ZNF559: variants seen among roughly 807,000 people sequenced by gnomAD.
ZNF559 encodes putative protein product of Nbla00121.
Under a neutral mutation model 14.2 loss-of-function variants are expected in ZNF559, and 17 were observed. The observed-to-expected ratio is 1.20, with a 90% CI of 0.82 to 1.80. ZNF559 has a LOEUF of 1.80. Among genes scored for constraint, ZNF559 ranks in the 40% most tolerant of loss-of-function variants. The pLI is 0.00. For synonymous variants in ZNF559, 244 were observed against 212.4 expected (o/e 1.15, Z -1.29); for missense variants, 740 against 629.7 (o/e 1.18, Z -1.88).
intron 2 of ZNF559, among the ~76,000 whole-genome samples, chr19:9,332,123 A>G (rs1004111582): frequency 3.3e-5 from 5 of 152,238 alleles, no homozygotes; most frequent in Admixed American, 2.6e-4. Context: ...GATGCCCTTT[A>G]TTAGGCTGAA....
chr19:9,336,894 C>T (rs149995389), intron 2 of ZNF559, among the ~76,000 whole-genome samples: 62 of 152,290 alleles, frequency 4.1e-4, no homozygotes, highest in Admixed American at 2.9e-3. Flanking sequence ...ACCACCCTCA[C>T]GCTCAGTGAT....
At position 9,337,815 on chromosome 19, in the gene ZNF559, C is replaced by T. The variant is rs141096942; in HGVS notation, c.-100C>T. ...CTGCAGAGAGATGGCTAATGAATGGCGCTTGATGACAGATGAGTAATGCCT... is the reference window on the plus strand; with the variant it reads ...CTGCAGAGAGATGGCTAATGAATGGTGCTTGATGACAGATGAGTAATGCCT... On this transcript the variant is annotated 5_prime_UTR_variant, in exon 3 of 7. Coordinates refer to ENST00000603380, the MANE Select transcript of ZNF559 (RefSeq NM_032497.3). 309 of 1,454,526 alleles carry T rather than the reference C, an allele frequency of 2.1e-4. No homozygotes were observed. In the African/African-American group the frequency reaches 3.7e-3, roughly 18 times the overall value. 90.1% of individuals were successfully genotyped at this position (1,454,526 alleles called of 1,614,324 possible).
chr19:9,328,348 CTTTTTT>C (rs904074002), intron 2 of ZNF559, among the ~76,000 whole-genome samples: 1 of 61,014 alleles, frequency 1.6e-5, no homozygotes, highest in African/African-American at 7.1e-5. Context: ...GCTTGTTTGT[CTTTTTT>C]TTTTTTTTTT....
chr19:9,343,172 T>C lies in ZNF559; in HGVS notation c.*104T>C. ...GCAATGTACACAGTCATAAGGAATG[T>C]GGGAAGCCTTCCTTGGTGTCTCAGA... On this transcript the variant is annotated 3_prime_UTR_variant, in exon 7 of 7. Coordinates refer to ENST00000603380, the MANE Select transcript of ZNF559 (RefSeq NM_032497.3). The C allele has an allele frequency of 6.7e-7, 1 of 1,503,494 alleles. No homozygotes were observed. Among genetic ancestry groups the C allele is most frequent in the Non-Finnish European group, 8.8e-7 (1 of 1,135,220 alleles). The allele number at this position is 1,503,494 out of a possible 1,614,324, so 93.1% of individuals were successfully genotyped here.
Position 9,344,925 on chromosome 19 carries a change from A to G in ZNF559, c.*1857A>G, listed in dbSNP as rs1421640350. On this transcript the variant is annotated 3_prime_UTR_variant, in exon 7 of 7. Coordinates refer to ENST00000603380, the MANE Select transcript of ZNF559 (RefSeq NM_032497.3). ...ACTTTAAGTTTGGACACATACACAT[A>G]TGTGTACATACACACCATCAAGATA... 1.3e-5 allele frequency: 2 copies of G among 152,216 alleles called. No homozygotes were observed. Among genetic ancestry groups the G allele is most frequent in the East Asian group, 1.9e-4 (1 of 5,194 alleles). The allele number at this position is 152,216 out of a possible 1,614,324, so 9.4% of individuals were successfully genotyped here.
At position 9,345,389 on chromosome 19, in the gene ZNF559, T is replaced by C. The variant is rs2067706163; in HGVS notation, c.*2321T>C. The C allele has an allele frequency of 6.6e-6, 1 of 152,230 alleles. No individual in the cohort carries two copies. Among genetic ancestry groups the C allele is most frequent in the Non-Finnish European group, 1.5e-5 (1 of 68,032 alleles). 9.4% of individuals were successfully genotyped at this position (152,230 alleles called of 1,614,324 possible). ...AAGAGACTGCTAAACCTTTCTCAAG[T>C]AGTTATGCCATTTGACATTTCCATG... is the stretch of plus-strand genomic sequence containing the variant. On this transcript the variant is annotated 3_prime_UTR_variant, in exon 7 of 7. Coordinates refer to ENST00000603380, the MANE Select transcript of ZNF559 (RefSeq NM_032497.3).
In ZNF559 at chr19:9,342,543, C is replaced by G; in HGVS notation, c.1092C>G (p.Asn364Lys). ...AGGAATGTGGGAAAGCTTTTGCTAA[C>G]TCTTCACATCTTACTGTACATATGA... ...ECKECGKAFA[N>K]SSHLTVHMRT... The change falls in exon 7 of 7, where the codon AAC (asparagine) becomes AAG (lysine). Residue 364 changes from asparagine (N) to lysine (K), a missense_variant. Physicochemically the swap from Asn to Lys is moderately conservative, Grantham distance 94. Transcript: ENST00000603380. 2 of 1,613,544 alleles carry G rather than the reference C, an allele frequency of 1.2e-6. No individual in the cohort carries two copies. The highest frequency in any genetic ancestry group is 4.5e-5 in the East Asian group (2 of 44,786).
upstream of ZNF559, chr19:9,323,949 T>C: frequency 1.8e-6 from 1 of 571,056 alleles, no homozygotes; most frequent in Non-Finnish European, 3.1e-6. Context: ...ATTCTTTCTT[T>C]GCTTTGCTGG....
At position 9,344,238 on chromosome 19, in the gene ZNF559, CAA is replaced by C. The variant is rs1000179104; in HGVS notation, c.*1176_*1177del. ...CCTGGATGATATGGTAAGACCATCT[CAA>C]AAAAAGAAAAAAAAATTAAAATATC... On this transcript the variant is annotated 3_prime_UTR_variant, in exon 7 of 7. Transcript: ENST00000603380. The C allele has an allele frequency of 6.7e-6, 1 of 150,210 alleles. No homozygotes were observed. The highest frequency in any genetic ancestry group is 1.5e-5 in the Non-Finnish European group (1 of 67,616). The allele number at this position is 150,210 out of a possible 1,614,324, so 9.3% of individuals were successfully genotyped here. A position where few individuals can be genotyped will look rare whatever the true frequency, so the allele number is the denominator to read the frequency against.
chr19:9,325,583 G>C (rs935652307), intron 2 of ZNF559, among the ~76,000 whole-genome samples: 2 of 152,134 alleles, frequency 1.3e-5, no homozygotes, highest in African/African-American at 4.8e-5. Context: ...ACGAGGTCAG[G>C]AGTTTGAGAC....
At position 9,344,136 on chromosome 19, in the gene ZNF559, C is replaced by CAAAA. The variant is rs2067681148; in HGVS notation, c.*1068_*1069insAAAA. Reference sequence around the variant, plus strand: ...GTACGTGCCTGTAATCCCAGCTACTCGAGAGGTTGAGGCAGAATTGCTTGA... The same window carrying CAAAA: ...GTACGTGCCTGTAATCCCAGCTACTCAAAAGAGAGGTTGAGGCAGAATTGCTTGA... On this transcript the variant is annotated 3_prime_UTR_variant, in exon 7 of 7. Coordinates refer to ENST00000603380, the MANE Select transcript of ZNF559 (RefSeq NM_032497.3). 1 of 151,984 alleles carries CAAAA rather than the reference C, an allele frequency of 6.6e-6. No individual in the cohort carries two copies. Among genetic ancestry groups the CAAAA allele is most frequent in the African/African-American group, 2.4e-5 (1 of 41,330 alleles). The allele number at this position is 151,984 out of a possible 1,614,324, so 9.4% of individuals were successfully genotyped here.
At chr19:9,328,962 T>C (rs967098790) in intron 2 of ZNF559, among the ~76,000 whole-genome samples, 4 of 152,232 alleles carry the variant, frequency 2.6e-5, no homozygotes, top group African/African-American at 9.6e-5. Flanking sequence ...AGCAAATTTC[T>C]AATAACTGAT....
intron 2 of ZNF559, among the ~76,000 whole-genome samples, chr19:9,335,591 A>C (rs1449863598): frequency 2.6e-5 from 4 of 152,170 alleles, no homozygotes; most frequent in Non-Finnish European, 5.9e-5. Flanking sequence ...TCTATCGCCC[A>C]GACTGGCATG....
At chr19:9,337,983 TCA>T in intron 3 of ZNF559, 125 bp downstream of exon 3, 4 of 1,536,118 alleles carry the variant, frequency 2.6e-6, no homozygotes, top group Non-Finnish European at 3.5e-6. Flanking sequence ...ACTGTTAGAC[TCA>T]CAGGATGCTG....
At chr19:9,324,841 C>G (rs1218315758) in intron 2 of ZNF559, 61 bp downstream of exon 2, 4 of 1,429,822 alleles carry the variant, frequency 2.8e-6, no homozygotes, top group African/African-American at 2.8e-5. Flanking sequence ...TAAGTTGTGT[C>G]GAGGTGGAAA....
In ZNF559 at chr19:9,343,150, A is replaced by T; in HGVS notation, c.*82A>T. ...GAACATGTACTCATTCATAGTGGCAATGTACACAGTCATAAGGAATGTGGG... is the reference window on the plus strand; with the variant it reads ...GAACATGTACTCATTCATAGTGGCATTGTACACAGTCATAAGGAATGTGGG... On this transcript the variant is annotated 3_prime_UTR_variant, in exon 7 of 7. Coordinates refer to ENST00000603380, the MANE Select transcript of ZNF559 (RefSeq NM_032497.3). 4 of 1,533,078 alleles carry T rather than the reference A, an allele frequency of 2.6e-6. No homozygotes were observed. The highest frequency in any genetic ancestry group is 3.5e-6 in the Non-Finnish European group (4 of 1,147,862). The allele number at this position is 1,533,078 out of a possible 1,614,324, so 95.0% of individuals were successfully genotyped here.
At chr19:9,330,420 C>T (rs2066876060) in intron 2 of ZNF559, among the ~76,000 whole-genome samples, 1 of 152,182 alleles carries the variant, frequency 6.6e-6, no homozygotes, top group African/African-American at 2.4e-5. Flanking sequence ...ATTTCTCTCT[C>T]TGCTCCCTCT....
At position 9,339,274 on chromosome 19, in the gene ZNF559, T is replaced by C. The variant is rs374264912; in HGVS notation, c.115T>C (p.Tyr39His). 22 of 1,613,968 alleles carry C rather than the reference T, an allele frequency of 1.4e-5. No homozygotes were observed. In the African/African-American group the frequency reaches 1.6e-4, roughly 12 times the overall value. ...TLLDQTQRNL[Y>H]RDVMLENYKN... The stretch of plus-strand genomic sequence containing the variant: ...GCTGGATCAAACTCAGAGAAACTTA[T>C]ACAGAGATGTGATGCTGGAGAACTA... Residue 39 changes from tyrosine to histidine, a missense_variant, in exon 5 of 7, where the codon TAC becomes CAC. Tyr to His is a moderately conservative substitution (Grantham distance 83). Transcript: ENST00000603380.
chr19:9,337,743 C>A, intron 2 of ZNF559, 53 bp from the exon 3 acceptor site: 1 of 1,279,924 alleles, frequency 7.8e-7, no homozygotes, highest in Non-Finnish European at 1.0e-6. Flanking sequence ...TATTTATGTC[C>A]ACGTGGCATA....
Sources: gnomAD v4.1 joint callset for allele counts (sites outside exome capture counted in the v4.1 genomes callset) on GRCh38, gnomAD v4.1.1 for gene constraint, MANE v1.5 for transcripts, NCBI Gene and HGNC (gene_info 2026-07-23, HGNC 2026-07-21) for gene names.